The following LRRC3B variants were observed in gnomAD, a reference collection of about 807,000 sequenced individuals.
The protein encoded by LRRC3B is leucine-rich repeat-containing protein 3B.
In LRRC3B, 2 loss-of-function variants were observed where a neutral mutation model predicts 12.8. The ratio of observed to expected loss-of-function variants is 0.16; its 90% confidence interval spans 0.06 to 0.49. LRRC3B has a LOEUF of 0.49. Ranked by LOEUF, LRRC3B falls within the 20% of genes least tolerant of loss-of-function variation. LRRC3B has a pLI of 0.96. For synonymous variants in LRRC3B, 132 were observed against 122.0 expected (o/e 1.08, Z -0.54); for missense variants, 189 against 319.4 (o/e 0.59, Z 3.11).
chr3:26,677,890 T>A (rs1365038631), intron 1 of LRRC3B, among the ~76,000 whole-genome samples: 1 of 152,148 alleles, frequency 6.6e-6, no homozygotes, highest in African/African-American at 2.4e-5. Flanking sequence ...AGCCTTGACC[T>A]CCTGGGCTCA....
At chr3:26,645,639 G>C (rs1699127587) in intron 1 of LRRC3B, among the ~76,000 whole-genome samples, 1 of 151,754 alleles carries the variant, frequency 6.6e-6, no homozygotes, top group Non-Finnish European at 1.5e-5. Context: ...ATTGCTCTTA[G>C]GCTCTGGAGG....
chr3:26,651,951 A>G (rs1201555463), intron 1 of LRRC3B, among the ~76,000 whole-genome samples: 2 of 152,154 alleles, frequency 1.3e-5, no homozygotes, highest in African/African-American at 4.8e-5. Flanking sequence ...ATGACATCAT[A>G]TCTCATTGGA....
At chr3:26,639,193 A>G (rs1698966891) in intron 1 of LRRC3B, among the ~76,000 whole-genome samples, 1 of 152,196 alleles carries the variant, frequency 6.6e-6, no homozygotes, top group African/African-American at 2.4e-5. Context: ...AACATGTAAA[A>G]AGAAAAAGGT....
chr3:26,709,336 C>A (rs1256885215), intron 1 of LRRC3B, among the ~76,000 whole-genome samples, 177 bp from the exon 2 acceptor site: 1 of 152,170 alleles, frequency 6.6e-6, no homozygotes, highest in African/African-American at 2.4e-5. Context: ...CCCCCAGCAC[C>A]TGGGATTTGA....
chr3:26,630,946 C>A (rs1698744522), intron 1 of LRRC3B, among the ~76,000 whole-genome samples: 1 of 152,154 alleles, frequency 6.6e-6, no homozygotes, highest in Admixed American at 6.5e-5. Flanking sequence ...TGCTTTAGCT[C>A]TCTGGGATCT....
At chr3:26,688,814 C>A (rs1381718883) in intron 1 of LRRC3B, among the ~76,000 whole-genome samples, 1 of 152,148 alleles carries the variant, frequency 6.6e-6, no homozygotes, top group Admixed American at 6.5e-5. Context: ...ATCATATCAC[C>A]ATCTCACCCC....
chr3:26,647,547 T>C (rs1699178581), intron 1 of LRRC3B, among the ~76,000 whole-genome samples: 1 of 152,188 alleles, frequency 6.6e-6, no homozygotes, highest in Non-Finnish European at 1.5e-5. Context: ...GTGAATAAAA[T>C]GTATTATTAA....
intron 1 of LRRC3B, among the ~76,000 whole-genome samples, chr3:26,649,641 C>G (rs1699223512): frequency 1.3e-5 from 2 of 152,198 alleles, no homozygotes; most frequent in African/African-American, 2.4e-5. Context: ...ACTGCTCCTT[C>G]TCCTTCTCCC....
intron 1 of LRRC3B, among the ~76,000 whole-genome samples, chr3:26,633,265 C>T (rs1198850209): frequency 6.6e-6 from 1 of 152,078 alleles, no homozygotes; most frequent in Non-Finnish European, 1.5e-5. Flanking sequence ...AATTAGTCGG[C>T]CATTTAATAG....
intron 1 of LRRC3B, among the ~76,000 whole-genome samples, chr3:26,697,959 A>T: frequency 6.6e-6 from 1 of 152,268 alleles, no homozygotes; most frequent in Non-Finnish European, 1.5e-5. Flanking sequence ...TGATTTACCT[A>T]TGTCTCTGAA....
chr3:26,704,966 A>G (rs1700549571), intron 1 of LRRC3B, among the ~76,000 whole-genome samples: 1 of 152,180 alleles, frequency 6.6e-6, no homozygotes, highest in Admixed American at 6.5e-5. Flanking sequence ...ATAGAGTTGC[A>G]TAGACTATAA....
intron 1 of LRRC3B, among the ~76,000 whole-genome samples, chr3:26,655,985 G>C (rs1462995056): frequency 1.3e-5 from 2 of 152,172 alleles, no homozygotes; most frequent in Non-Finnish European, 2.9e-5. Context: ...CCGGACTTCA[G>C]ACTAAGGTTC....
intron 1 of LRRC3B, among the ~76,000 whole-genome samples, chr3:26,670,222 AAGTC>A (rs2125430205): frequency 6.6e-6 from 1 of 152,318 alleles, no homozygotes; most frequent in African/African-American, 2.4e-5. Context: ...TTTCAAAGAG[AAGTC>A]ATTTCCTCAC....
intron 1 of LRRC3B, among the ~76,000 whole-genome samples, chr3:26,693,316 G>A (rs966380157): frequency 8.6e-5 from 10 of 116,508 alleles, no homozygotes; most frequent in East Asian, 5.1e-4. Context: ...GCGACAGAGC[G>A]AAACTCCGTC....
In LRRC3B at chr3:26,674,583, G is replaced by T. The variant is rs1174998603; in HGVS notation, c.-160-34930G>T. ...TTCAATTCCTGATGTTAAAATCTAG[G>T]TTATTCATGGAAGCAGGGCCTATAT... On this transcript the variant is annotated intron_variant, in intron 1 of 1. Transcript: ENST00000396641. Among the ~76,000 whole-genome samples the T allele has an allele frequency of 2.0e-5, 3 of 152,164 alleles. No individual in the cohort carries two copies. In the East Asian group the frequency reaches 5.8e-4, roughly 29 times the overall value.
At chr3:26,625,612 T>A (rs1698608513) in intron 1 of LRRC3B, 1 of 152,226 alleles carries the variant, frequency 6.6e-6, no homozygotes, top group Non-Finnish European at 1.5e-5. Context: ...GAATTTGCGC[T>A]CTGGCCACTT....
chr3:26,629,417 G>T (rs758255490), intron 1 of LRRC3B, among the ~76,000 whole-genome samples: 1 of 152,210 alleles, frequency 6.6e-6, no homozygotes. Context: ...AAAGCACAAA[G>T]GTCATGAGGT....
chr3:26,708,014 T>G (rs950516432), intron 1 of LRRC3B, among the ~76,000 whole-genome samples: 2 of 152,212 alleles, frequency 1.3e-5, no homozygotes, highest in Admixed American at 6.5e-5. Context: ...TTTCCATGAT[T>G]AACAATCCAG....
intron 1 of LRRC3B, among the ~76,000 whole-genome samples, chr3:26,670,457 A>G (rs1699696341): frequency 6.6e-6 from 1 of 152,126 alleles, no homozygotes; most frequent in Non-Finnish European, 1.5e-5. Flanking sequence ...TACCACTTAT[A>G]TCTTCGGGGA....
Sources: gnomAD v4.1 joint callset for allele counts (sites outside exome capture counted in the v4.1 genomes callset) on GRCh38, gnomAD v4.1.1 for gene constraint, MANE v1.5 for transcripts, NCBI Gene and HGNC (gene_info 2026-07-23, HGNC 2026-07-21) for gene names.